Variants in GABRB2 observed in about 807,000 individuals in gnomAD.
GABRB2 encodes the protein gamma-aminobutyric acid receptor subunit beta-2.
A neutral mutation model predicts 54.7 loss-of-function variants in GABRB2; 16 were observed. That is an observed-to-expected ratio of 0.29 (90% CI 0.20 to 0.44). The LOEUF is 0.44. GABRB2 is among the 20% of genes least tolerant of loss of function. The pLI is 1.00. For missense variants in GABRB2, 355 were observed against 644.0 expected (o/e 0.55, Z 4.86); for synonymous variants, 244 against 233.8 (o/e 1.04, Z -0.40).
At chr5:161,369,706 A>T (rs1755077938) in intron 5 of GABRB2, among the ~76,000 whole-genome samples, 1 of 152,202 alleles carries the variant, frequency 6.6e-6, no homozygotes, top group African/African-American at 2.4e-5. Context: ...TGGAATTTTC[A>T]TAACAGGTTT....
At chr5:161,525,227 CT>C (rs1359899734) in intron 3 of GABRB2, among the ~76,000 whole-genome samples, 1 of 151,170 alleles carries the variant, frequency 6.6e-6, no homozygotes, top group Non-Finnish European at 1.5e-5. Flanking sequence ...TGGCTGACCC[CT>C]GATCTAAAAC....
At chr5:161,475,680 C>T (rs1043705332) in intron 3 of GABRB2, among the ~76,000 whole-genome samples, 1 of 151,902 alleles carries the variant, frequency 6.6e-6, no homozygotes, top group Non-Finnish European at 1.5e-5. Flanking sequence ...CAATGTAATA[C>T]ACTGCATTAA....
intron 4 of GABRB2, among the ~76,000 whole-genome samples, chr5:161,451,146 G>A (rs1017361300): frequency 2.0e-5 from 3 of 152,116 alleles, no homozygotes; most frequent in African/African-American, 4.8e-5. Context: ...ATAAAATCCT[G>A]CCTGTCTAAA....
intron 3 of GABRB2, among the ~76,000 whole-genome samples, chr5:161,516,636 ATAAAG>A (rs1030152929): frequency 1.1e-4 from 17 of 148,938 alleles, no homozygotes; most frequent in African/African-American, 2.4e-4. Context: ...GGGTTTGCAA[ATAAAG>A]TAAAGATTTT....
chr5:161,362,792 G>T (rs1754852384), intron 5 of GABRB2, among the ~76,000 whole-genome samples: 1 of 152,142 alleles, frequency 6.6e-6, no homozygotes, highest in African/African-American at 2.4e-5. Flanking sequence ...CGTAGTCACT[G>T]GTCATTAGAG....
intron 3 of GABRB2, among the ~76,000 whole-genome samples, chr5:161,494,538 C>CATGTGTGTGTGTGT (rs1554104312): frequency 2.1e-5 from 3 of 146,142 alleles, no homozygotes; most frequent in African/African-American, 5.0e-5. Flanking sequence ...GTTAGGTATG[C>CATGTGTGTGTGTGT]GTGTGTGTGT....
intron 5 of GABRB2, among the ~76,000 whole-genome samples, chr5:161,394,721 T>C (rs1755943198): frequency 6.6e-6 from 1 of 152,068 alleles, no homozygotes; most frequent in Admixed American, 6.6e-5. Flanking sequence ...AAGAACTTAC[T>C]CAAAAGAAAA....
intron 5 of GABRB2, among the ~76,000 whole-genome samples, chr5:161,388,251 A>C (rs1285991148): frequency 6.6e-6 from 1 of 152,122 alleles, no homozygotes; most frequent in Admixed American, 6.6e-5. Context: ...AACTTGTAAA[A>C]ACATTTCTGA....
rs12657747 is a variant in GABRB2 at position 161,375,744 on chromosome 5, C to T, written c.541+35231G>A. 1.4e-3 allele frequency among the ~76,000 whole-genome samples: 211 copies of T among 152,176 alleles called. 5 individuals are homozygous for T. In the East Asian group the frequency reaches 0.037, roughly 27 times the overall value. ...ACAGGGGAAACACAATAACATCATACGGTTTAAATGAGATAATGCTTTTAA... is the reference window on the plus strand; with the variant it reads ...ACAGGGGAAACACAATAACATCATATGGTTTAAATGAGATAATGCTTTTAA... On this transcript the variant is annotated intron_variant, in intron 5 of 9. Transcript: ENST00000393959.
chr5:161,401,038 T>C (rs1756171291), intron 5 of GABRB2, among the ~76,000 whole-genome samples: 1 of 152,178 alleles, frequency 6.6e-6, no homozygotes, highest in Non-Finnish European at 1.5e-5. Flanking sequence ...CCAAAAGGTG[T>C]CTACTGATTC....
intron 3 of GABRB2, among the ~76,000 whole-genome samples, chr5:161,506,999 T>C (rs1759626542): frequency 6.6e-6 from 1 of 152,132 alleles, no homozygotes; most frequent in African/African-American, 2.4e-5. Context: ...ATTTTTTGAC[T>C]AGGACGTAGA....
At chr5:161,468,984 T>G (rs1758358600) in intron 3 of GABRB2, among the ~76,000 whole-genome samples, 1 of 151,926 alleles carries the variant, frequency 6.6e-6, no homozygotes. Context: ...TATAACATCT[T>G]ATTATATTAT....
intron 5 of GABRB2, among the ~76,000 whole-genome samples, chr5:161,338,758 C>G (rs886384899): frequency 2.6e-5 from 4 of 151,986 alleles, no homozygotes; most frequent in African/African-American, 9.7e-5. Flanking sequence ...TGCACTCCAG[C>G]CTGGGTGACA....
At chr5:161,506,510 T>G (rs2113391940) in intron 3 of GABRB2, among the ~76,000 whole-genome samples, 1 of 152,272 alleles carries the variant, frequency 6.6e-6, no homozygotes, top group African/African-American at 2.4e-5. Context: ...AGCAAATAAT[T>G]TTCCACACAT....
At chr5:161,528,477 A>C (rs1760352403) in intron 3 of GABRB2, among the ~76,000 whole-genome samples, 1 of 151,868 alleles carries the variant, frequency 6.6e-6, no homozygotes, top group Middle Eastern at 3.2e-3. Flanking sequence ...ATAATTTCTA[A>C]ATATAGAAAT....
chr5:161,421,519 T>G (rs1267790233), intron 4 of GABRB2, among the ~76,000 whole-genome samples: 3 of 152,224 alleles, frequency 2.0e-5, no homozygotes, highest in Admixed American at 2.0e-4. Flanking sequence ...CAACATATTC[T>G]GTGGCTGACT....
At chr5:161,439,907 C>T (rs1365191960) in intron 4 of GABRB2, among the ~76,000 whole-genome samples, 1 of 151,776 alleles carries the variant, frequency 6.6e-6, no homozygotes, top group Non-Finnish European at 1.5e-5. Context: ...ATCTGTACAG[C>T]AAACCACAAT....
chr5:161,522,257 G>C (rs1162067761), intron 3 of GABRB2, among the ~76,000 whole-genome samples: 1 of 151,758 alleles, frequency 6.6e-6, no homozygotes, highest in Non-Finnish European at 1.5e-5. Flanking sequence ...TCTGGAAAGA[G>C]TATCCAGTTT....
At chr5:161,485,365 A>C (rs1269841019) in intron 3 of GABRB2, among the ~76,000 whole-genome samples, 1 of 151,980 alleles carries the variant, frequency 6.6e-6, no homozygotes, top group African/African-American at 2.4e-5. Context: ...CCCAGTGCCT[A>C]GCAATGGCAC....
Sources: allele counts gnomAD v4.1 joint callset (sites outside exome capture counted in the v4.1 genomes callset), GRCh38; gene constraint gnomAD v4.1.1; transcripts MANE v1.5; gene names NCBI Gene and HGNC (gene_info 2026-07-23, HGNC 2026-07-21).